SV2C: variants seen among roughly 807,000 people sequenced by gnomAD.
The protein encoded by SV2C is synaptic vesicle glycoprotein 2C, also known as solute carrier family 22 member B3.
SV2C carries 49 observed loss-of-function variants against 79.7 expected under a neutral mutation model. The ratio of observed to expected loss-of-function variants is 0.61; its 90% CI spans 0.49 to 0.78. The LOEUF (loss-of-function observed/expected upper bound fraction) is 0.78. SV2C is among the 30% of genes least tolerant of loss of function. SV2C has a pLI of 0.00. For missense variants in SV2C, 833 were observed against 912.9 expected (o/e 0.91, Z 1.13); for synonymous variants, 334 against 333.2 (o/e 1.00, Z -0.03).
At chr5:76,106,485 C>T (rs77776822) in intron 1 of SV2C, among the ~76,000 whole-genome samples, 4,266 of 152,232 alleles carry the variant, frequency 0.028, 188 homozygotes, top group African/African-American at 0.096. Flanking sequence ...CAGTAAAAGC[C>T]GAAGTCCTTA....
the SV2C span, among the ~76,000 whole-genome samples, chr5:75,984,594 T>C: frequency 0.016 from 1,289 of 81,848 alleles, 11 homozygotes; most frequent in East Asian, 0.038. Flanking sequence ...TATCTATCTA[T>C]CTACCTATCT....
chr5:76,097,595 A>T (rs1747606921), intron 1 of SV2C, among the ~76,000 whole-genome samples: 1 of 152,202 alleles, frequency 6.6e-6, no homozygotes. Flanking sequence ...ATTTGACCTT[A>T]AGGCATTATG....
chr5:76,090,013 G>A (rs1747322949), intron 1 of SV2C, among the ~76,000 whole-genome samples: 1 of 152,174 alleles, frequency 6.6e-6, no homozygotes, highest in African/African-American at 2.4e-5. Context: ...CCTTTTTGAT[G>A]TATAAAATTC....
At chr5:75,958,536 T>C in the SV2C span, among the ~76,000 whole-genome samples, 2 of 152,014 alleles carry the variant, frequency 1.3e-5, no homozygotes, top group African/African-American at 4.8e-5. Context: ...GCACCAATTG[T>C]ACCACAGAAA....
At chr5:76,080,876 G>A, upstream of SV2C, among the ~76,000 whole-genome samples, 1 of 152,216 alleles carries the variant, frequency 6.6e-6, no homozygotes, top group East Asian at 1.9e-4. Flanking sequence ...AAACTAGTCT[G>A]AGTGCTGGAT....
At position 76,300,156 on chromosome 5, in the gene SV2C, A is replaced by AATTATTATTATTATTATT. The variant is rs142593511; in HGVS notation, c.1637-554_1637-537dup. Among the ~76,000 whole-genome samples the AATTATTATTATTATTATT allele has an allele frequency of 6.0e-3, 842 of 139,664 alleles. 4 individuals carry two copies. Among genetic ancestry groups the AATTATTATTATTATTATT allele is most frequent in the African/African-American group, 0.013 (478 of 37,778 alleles). The allele number at this position is 139,664 out of a possible 152,430, so 91.6% of individuals were successfully genotyped here. On this transcript the variant is annotated intron_variant, in intron 10 of 12. Transcript: ENST00000502798. ...CAGCTCACTGCGGCCTCAAATAAAAAATTATTATTATTATTATTATTATTA... is the reference window on the plus strand; with the variant it reads ...CAGCTCACTGCGGCCTCAAATAAAAAATTATTATTATTATTATTATTATTATTATTATTATTATTATTA...
At chr5:75,978,504 G>A in the SV2C span, among the ~76,000 whole-genome samples, 2 of 152,120 alleles carry the variant, frequency 1.3e-5, no homozygotes, top group Non-Finnish European at 2.9e-5. Context: ...TATTGCATTT[G>A]AAATTGGGCT....
At chr5:76,343,139 G>A (rs1314132902) in intron 12 of SV2C, among the ~76,000 whole-genome samples, 3 of 152,120 alleles carry the variant, frequency 2.0e-5, no homozygotes, top group Non-Finnish European at 4.4e-5. Context: ...TCAGGGTCAG[G>A]AAGACATTCT....
At chr5:76,123,844 A>G (rs963826569) in intron 1 of SV2C, among the ~76,000 whole-genome samples, 2 of 152,192 alleles carry the variant, frequency 1.3e-5, no homozygotes. Flanking sequence ...GTTCTGTCCT[A>G]TTTGAGATAG....
intron 12 of SV2C, among the ~76,000 whole-genome samples, chr5:76,302,226 T>C (rs1748032369): frequency 6.6e-6 from 1 of 152,222 alleles, no homozygotes; most frequent in Non-Finnish European, 1.5e-5. Flanking sequence ...GGTTTGCAGA[T>C]GTGTCTGCAT....
intron 1 of SV2C, among the ~76,000 whole-genome samples, chr5:76,100,482 TTC>T (rs1747704616): frequency 6.6e-6 from 1 of 152,330 alleles, no homozygotes; most frequent in Admixed American, 6.5e-5. Flanking sequence ...AATGCCTACT[TTC>T]TCTTCTTAAC....
chr5:75,896,519 A>C, the SV2C span, among the ~76,000 whole-genome samples: 1 of 151,848 alleles, frequency 6.6e-6, no homozygotes, highest in Non-Finnish European at 1.5e-5. Flanking sequence ...TGCTGCAATA[A>C]ACATACGTGT....
At chr5:76,257,962 A>G (rs1746341939) in intron 4 of SV2C, among the ~76,000 whole-genome samples, 1 of 141,708 alleles carries the variant, frequency 7.1e-6, no homozygotes, top group African/African-American at 2.7e-5. Flanking sequence ...TGTGTGGGGT[A>G]TAAACGTGTG....
chr5:76,234,071 G>A (rs1177983364), intron 4 of SV2C, among the ~76,000 whole-genome samples: 1 of 152,104 alleles, frequency 6.6e-6, no homozygotes, highest in Admixed American at 6.5e-5. Flanking sequence ...TTAAACAAAT[G>A]TTATTTGCTT....
chr5:76,185,653 T>C (rs561656683), intron 2 of SV2C, among the ~76,000 whole-genome samples: 19 of 152,384 alleles, frequency 1.2e-4, no homozygotes, highest in African/African-American at 4.6e-4. Flanking sequence ...TAGCTGGAGC[T>C]GAAGCAGCTG....
At chr5:76,237,430 C>T (rs1745645818) in intron 4 of SV2C, among the ~76,000 whole-genome samples, 1 of 152,092 alleles carries the variant, frequency 6.6e-6, no homozygotes, top group African/African-American at 2.4e-5. Flanking sequence ...TTACTGAAGA[C>T]ATTTCTCCGA....
the SV2C span, among the ~76,000 whole-genome samples, chr5:75,900,083 A>G: frequency 6.6e-6 from 1 of 152,078 alleles, no homozygotes; most frequent in African/African-American, 2.4e-5. Context: ...TAATATTGTT[A>G]TGTGTGAATT....
intron 8 of SV2C, among the ~76,000 whole-genome samples, chr5:76,295,344 T>C (rs1747712666): frequency 6.6e-6 from 1 of 152,140 alleles, no homozygotes; most frequent in Non-Finnish European, 1.5e-5. Flanking sequence ...CGCACCTCTT[T>C]TTATAAGGAC....
intron 9 of SV2C, among the ~76,000 whole-genome samples, chr5:76,296,843 A>C (rs1442411036): frequency 6.6e-6 from 1 of 152,208 alleles, no homozygotes; most frequent in Admixed American, 6.5e-5. Context: ...CAATGAAGGA[A>C]CTAATCATCA....
Sources: gnomAD v4.1 joint callset for allele counts (sites outside exome capture counted in the v4.1 genomes callset) on GRCh38, gnomAD v4.1.1 for gene constraint, MANE v1.5 for transcripts, NCBI Gene and HGNC (gene_info 2026-07-23, HGNC 2026-07-21) for gene names.